Variants in C6orf52 observed in about 807,000 individuals in gnomAD.
C6orf52 encodes the protein putative uncharacterized protein C6orf52.
C6orf52 carries 16 observed loss-of-function variants against 16.6 expected under a neutral mutation model. The observed-to-expected ratio is 0.96, with a 90% CI of 0.65 to 1.46. C6orf52 has a LOEUF of 1.46. Among genes scored for constraint, C6orf52 ranks in the 40% most tolerant of loss-of-function variants. C6orf52 has a pLI of 0.00. For missense variants in C6orf52, 166 were observed against 182.3 expected (o/e 0.91, Z 0.52); for synonymous variants, 53 against 61.4 (o/e 0.86, Z 0.64).
intron 4 of C6orf52, among the ~76,000 whole-genome samples, chr6:10,682,795 G>A (rs1768514251): frequency 6.6e-6 from 1 of 152,184 alleles, no homozygotes; most frequent in Non-Finnish European, 1.5e-5. Context: ...ACACTACAGT[G>A]CTGCTCTGTC....
chr6:10,679,160 C>T (rs1234304885), intron 4 of C6orf52, among the ~76,000 whole-genome samples: 1 of 151,992 alleles, frequency 6.6e-6, no homozygotes, highest in East Asian at 1.9e-4. Flanking sequence ...TTTATTGCGG[C>T]TGGGCACGGT....
Position 10,694,588 on chromosome 6 carries a change from TACA to T in C6orf52, c.-109_-107del. The T allele has an allele frequency of 5.7e-6, 1 of 176,920 alleles. No individual in the cohort carries two copies. The highest frequency in any genetic ancestry group is 1.2e-5 in the Non-Finnish European group (1 of 81,216). 11.0% of individuals were successfully genotyped at this position (176,920 alleles called of 1,614,324 possible). A position where few individuals can be genotyped will look rare whatever the true frequency, so the allele number is the denominator to read the frequency against. The stretch of plus-strand genomic sequence containing the variant: ...CCACAACAATGCACGCTGCCGGCGC[TACA>T]GCCCCTAAGCAACCGGCCGGAAGTC... On this transcript the variant is annotated 5_prime_UTR_variant, in exon 1 of 5. Transcript: ENST00000259983.
At chr6:10,678,681 T>C (rs1768102136) in intron 4 of C6orf52, among the ~76,000 whole-genome samples, 1 of 152,202 alleles carries the variant, frequency 6.6e-6, no homozygotes, top group African/African-American at 2.4e-5. Context: ...TGGTGGCTTA[T>C]GCCTGTAATC....
At chr6:10,678,753 G>A (rs1436670294) in intron 4 of C6orf52, among the ~76,000 whole-genome samples, 1 of 152,080 alleles carries the variant, frequency 6.6e-6, no homozygotes, top group Non-Finnish European at 1.5e-5. Flanking sequence ...ACACCAGCCT[G>A]GGCAACATAG....
At chr6:10,685,150 A>G (rs1768753639) in intron 3 of C6orf52, among the ~76,000 whole-genome samples, 2 of 152,018 alleles carry the variant, frequency 1.3e-5, no homozygotes, top group Admixed American at 1.3e-4. Flanking sequence ...GAAGTTGATA[A>G]TATACTAATT....
intron 4 of C6orf52, 103 bp from the exon 5 acceptor site, chr6:10,671,701 A>G: frequency 1.5e-6 from 1 of 654,796 alleles, no homozygotes; most frequent in Non-Finnish European, 2.4e-6. Context: ...TGCAGGAAGT[A>G]CTGCAGATAG....
chr6:10,692,672 C>G (rs954039437), intron 1 of C6orf52, among the ~76,000 whole-genome samples: 1 of 152,152 alleles, frequency 6.6e-6, no homozygotes, highest in Admixed American at 6.5e-5. Flanking sequence ...ATCTCTTGAT[C>G]TCGTCAAAGT....
chr6:10,678,454 A>G (rs1768082455), intron 4 of C6orf52, among the ~76,000 whole-genome samples: 1 of 152,222 alleles, frequency 6.6e-6, no homozygotes, highest in East Asian at 1.9e-4. Flanking sequence ...GTATAGAAAC[A>G]ATTTTGTGTA....
intron 1 of C6orf52, among the ~76,000 whole-genome samples, chr6:10,689,662 A>C (rs1769126422): frequency 6.6e-6 from 1 of 152,132 alleles, no homozygotes; most frequent in Non-Finnish European, 1.5e-5. Flanking sequence ...GTATTTGCTT[A>C]GCTGGAGGGT....
At chr6:10,684,884 G>T (rs1242268529) in intron 3 of C6orf52, 1 of 1,289,004 alleles carries the variant, frequency 7.8e-7, no homozygotes, top group Non-Finnish European at 1.0e-6. Context: ...CCCAACAGGG[G>T]ACACCCAGCA....
rs1289982729 is a variant in C6orf52 at position 10,679,024 on chromosome 6, C to T, written c.316+4163G>A. Among the ~76,000 whole-genome samples the T allele has an allele frequency of 3.9e-5, 6 of 152,038 alleles. No individual in the cohort carries two copies. The South Asian group carries it at 1.2e-3, about 32-fold the overall frequency. ...AGGGGAATCACTTGAACCCAAGAGG[C>T]GGAGATTGCAGTGAGCCAAGATCGC... On this transcript the variant is annotated intron_variant, in intron 4 of 4. Transcript: ENST00000259983.
Position 10,687,072 on chromosome 6 carries a change from A to G in C6orf52, c.164T>C (p.Leu55Pro), listed in dbSNP as rs1561878823. Residue 55 changes from leucine to proline, a missense_variant, in exon 3 of 5, where the codon CTT becomes CCT. By Grantham distance (98) the Leu-to-Pro change is moderately conservative. Coordinates refer to ENST00000259983, the MANE Select transcript of C6orf52 (RefSeq NM_001145020.3). ...NWYARQHGSY[L>P]LSGYSYGCAV... is the part of the protein sequence containing the mutation. ...ACAGCCATAGCTGTAGCCAGAAAGAAGGTAAGAGCCGTGCTGTCGCGCATA... is the reference window on the plus strand; with the variant it reads ...ACAGCCATAGCTGTAGCCAGAAAGAGGGTAAGAGCCGTGCTGTCGCGCATA... 1.0e-5 allele frequency: 16 copies of G among 1,551,852 alleles called. No individual in the cohort carries two copies. Among genetic ancestry groups the G allele is most frequent in the Admixed American group, 2.0e-5 (1 of 50,994 alleles).
At chr6:10,678,784 T>A (rs1424305976) in intron 4 of C6orf52, among the ~76,000 whole-genome samples, 4 of 152,070 alleles carry the variant, frequency 2.6e-5, no homozygotes, top group East Asian at 1.9e-4. Context: ...TCTCTGTTTT[T>A]AAAAAAATTT....
At chr6:10,674,075 G>A (rs918325672) in intron 4 of C6orf52, among the ~76,000 whole-genome samples, 1 of 152,168 alleles carries the variant, frequency 6.6e-6, no homozygotes, top group African/African-American at 2.4e-5. Context: ...CAGCGTGGTT[G>A]GGTTCTGGTG....
rs1367658350 is a variant in C6orf52, at chr6:10,671,605, A to G, written c.317-7T>C. 5 of 1,527,390 alleles carry G rather than the reference A, an allele frequency of 3.3e-6. No individual in the cohort carries two copies. Among genetic ancestry groups the G allele is most frequent in the Admixed American group, 4.3e-5 (2 of 46,952 alleles). The allele number at this position is 1,527,390 out of a possible 1,614,324, so 94.6% of individuals were successfully genotyped here. A position where few individuals can be genotyped will look rare whatever the true frequency, so the allele number is the denominator to read the frequency against. ...TTCAAATGAAGATGTGGATCTGCAG[A>G]AGCCAATAATGGATATGAAAAAAAT... On this transcript the variant is annotated splice_region_variant and splice_polypyrimidine_tract_variant and intron_variant, in intron 4 of 4. Transcript: ENST00000259983.
At position 10,694,600 on chromosome 6, in the gene C6orf52, GCAACCGGCC is replaced by G; in HGVS notation, c.-127_-119del. ...ACGCTGCCGGCGCTACAGCCCCTAAGCAACCGGCCGGAAGTCGGCCCCACCTCCTCCTGA... is the reference window on the plus strand; with the variant it reads ...ACGCTGCCGGCGCTACAGCCCCTAAGGGAAGTCGGCCCCACCTCCTCCTGA... On this transcript the variant is annotated 5_prime_UTR_variant, in exon 1 of 5. Coordinates refer to ENST00000259983, the MANE Select transcript of C6orf52 (RefSeq NM_001145020.3). The G allele has an allele frequency of 5.2e-5, 9 of 173,894 alleles. No individual in the cohort carries two copies. The highest frequency in any genetic ancestry group is 3.2e-4 in the East Asian group (2 of 6,206). The allele number at this position is 173,894 out of a possible 1,614,324, so 10.8% of individuals were successfully genotyped here. A position where few individuals can be genotyped will look rare whatever the true frequency, so the allele number is the denominator to read the frequency against.
rs1768956157 is a variant in C6orf52 at position 10,687,517 on chromosome 6, T to A, written c.34A>T (p.Ile12Leu). 6.4e-7 allele frequency: 1 copy of A among 1,551,126 alleles called. No homozygotes were observed. Among genetic ancestry groups the A allele is most frequent in the Non-Finnish European group, 8.7e-7 (1 of 1,146,606 alleles). The part of the protein sequence containing the change: ...AQPESSADFG[I>L]AQQNNYYCYW... Reference sequence around the variant, plus strand: ...CAGTAATAGTTATTTTGTTGAGCTATGCCAAAATCTGCAGAACTCTCTGGT... The same window carrying A: ...CAGTAATAGTTATTTTGTTGAGCTAAGCCAAAATCTGCAGAACTCTCTGGT... Residue 12 changes from isoleucine (I) to leucine (L), a missense_variant, in exon 2 of 5, where the codon ATA becomes TTA. Coordinates refer to ENST00000259983, the MANE Select transcript of C6orf52 (RefSeq NM_001145020.3).
At chr6:10,677,722 C>T (rs1016218923) in intron 4 of C6orf52, among the ~76,000 whole-genome samples, 6 of 151,358 alleles carry the variant, frequency 4.0e-5, no homozygotes, top group African/African-American at 9.7e-5. Context: ...TTAGTAGAGA[C>T]GGGGTTTCAC....
At chr6:10,672,181 CA>C (rs1767490866) in intron 4 of C6orf52, among the ~76,000 whole-genome samples, 1 of 152,146 alleles carries the variant, frequency 6.6e-6, no homozygotes, top group Non-Finnish European at 1.5e-5. Flanking sequence ...GTCAGGTTTC[CA>C]GAGCTTTCCA....
Sources: gnomAD v4.1 joint callset for allele counts (sites outside exome capture counted in the v4.1 genomes callset) on GRCh38, gnomAD v4.1.1 for gene constraint, MANE v1.5 for transcripts, NCBI Gene and HGNC (gene_info 2026-07-23, HGNC 2026-07-21) for gene names.